SPTLC3: variants seen among roughly 807,000 people sequenced by gnomAD.
The protein encoded by SPTLC3 is serine palmitoyltransferase long chain base subunit 3.
SPTLC3 carries 36 observed loss-of-function variants against 59.3 expected under a neutral mutation model. That is an observed-to-expected ratio of 0.61 (90% CI 0.47 to 0.80). The LOEUF (loss-of-function observed/expected upper bound fraction) is 0.80, where lower values mean the gene tolerates loss of function less well. SPTLC3 is among the 30% of genes least tolerant of loss of function. The pLI is 0.00. For missense variants in SPTLC3, 625 were observed against 685.1 expected, an observed-to-expected ratio of 0.91 and a Z score of 0.98; for synonymous variants, 257 against 240.8, an observed-to-expected ratio of 1.07 and a Z score of -0.62.
At chr20:13,064,688 A>G (rs184697803) in intron 2 of SPTLC3, among the ~76,000 whole-genome samples, 1 of 152,326 alleles carries the variant, frequency 6.6e-6, no homozygotes, top group Admixed American at 6.5e-5. Context: ...ATAATTCTTT[A>G]AGATTTTCTT....
chr20:13,079,910 T>C (rs943892505), intron 4 of SPTLC3: 18 of 362,668 alleles, frequency 5.0e-5, no homozygotes, highest in Non-Finnish European at 9.2e-5. Context: ...CCACAGCTGT[T>C]TGCCCTTCAG....
rs34090988 is a variant in SPTLC3 at position 13,077,784 on chromosome 20, C to CT, written c.607+3299dup. ...TTTCTATTGAGCCAAGCTATCTGTA[C>CT]TTTTTTTTTTTTAAAGAGTTAGAGT... On this transcript the variant is annotated intron_variant, in intron 4 of 11. Coordinates refer to ENST00000399002, the MANE Select transcript of SPTLC3 (RefSeq NM_018327.4). Among the ~76,000 whole-genome samples, 1,297 of 145,538 alleles carry CT rather than the reference C, an allele frequency of 8.9e-3. 20 individuals are homozygous for CT. The highest frequency in any genetic ancestry group is 0.028 in the African/African-American group (1,136 of 40,072).
intron 9 of SPTLC3, among the ~76,000 whole-genome samples, chr20:13,131,039 A>C (rs1320427707): frequency 6.6e-6 from 1 of 152,198 alleles, no homozygotes; most frequent in African/African-American, 2.4e-5. Flanking sequence ...ACTTTTGGAA[A>C]GGTCTAGAAA....
chr20:13,043,902 T>C (rs1366340066), intron 1 of SPTLC3, among the ~76,000 whole-genome samples: 1 of 152,112 alleles, frequency 6.6e-6, no homozygotes, highest in Admixed American at 6.5e-5. Context: ...AACAGGTTGA[T>C]AAGATTACTT....
At chr20:13,086,239 A>C (rs1989001131) in intron 4 of SPTLC3, among the ~76,000 whole-genome samples, 1 of 152,206 alleles carries the variant, frequency 6.6e-6, no homozygotes, top group South Asian at 2.1e-4. Flanking sequence ...GGCCTGAATC[A>C]ATGTTTGTAG....
chr20:13,149,844 C>T (rs1477188530), intron 9 of SPTLC3, among the ~76,000 whole-genome samples: 1 of 152,132 alleles, frequency 6.6e-6, no homozygotes, highest in African/African-American at 2.4e-5. Context: ...AGCTAGGCAG[C>T]CAATGATAGA....
intron 1 of SPTLC3, among the ~76,000 whole-genome samples, chr20:13,038,952 A>AT (rs1256508851): frequency 1.3e-5 from 2 of 151,986 alleles, no homozygotes; most frequent in African/African-American, 4.8e-5. Context: ...AAATTTTCCC[A>AT]TTTTTTCTGT....
chr20:13,017,173 T>C (rs1479115306), intron 1 of SPTLC3, among the ~76,000 whole-genome samples: 2 of 152,210 alleles, frequency 1.3e-5, no homozygotes, highest in Non-Finnish European at 2.9e-5. Flanking sequence ...TGAGTTGTTT[T>C]GTTTTCCTGA....
intron 9 of SPTLC3, among the ~76,000 whole-genome samples, chr20:13,129,457 G>GA (rs996630148): frequency 1.4e-4 from 21 of 152,310 alleles, no homozygotes; most frequent in African/African-American, 4.8e-4. Flanking sequence ...TTTCTTAATG[G>GA]AAAATCAATT....
chr20:13,014,803 A>G (rs1473171961), intron 1 of SPTLC3, among the ~76,000 whole-genome samples: 1 of 151,540 alleles, frequency 6.6e-6, no homozygotes. Flanking sequence ...AAAAAAAAAA[A>G]AAGATAAATG....
intron 1 of SPTLC3, among the ~76,000 whole-genome samples, chr20:13,010,817 C>T (rs1050510342): frequency 6.6e-6 from 1 of 152,168 alleles, no homozygotes; most frequent in African/African-American, 2.4e-5. Context: ...CTTAACTTTT[C>T]TCCCTTTTAT....
At chr20:13,157,663 A>G (rs2038806342) in intron 10 of SPTLC3, among the ~76,000 whole-genome samples, 1 of 151,534 alleles carries the variant, frequency 6.6e-6, no homozygotes, top group Admixed American at 6.6e-5. Context: ...CACTACAAAC[A>G]GAAAAAAAAA....
At position 13,056,476 on chromosome 20, in the gene SPTLC3, C is replaced by T. The variant is rs143583843; in HGVS notation, c.303+7346C>T. ...TTTTTTCTTTTTTTTTTTTTTGAGA[C>T]GGAGTCTCACTCTGTCACCCAGGCA... is the stretch of plus-strand genomic sequence containing the variant. On this transcript the variant is annotated intron_variant, in intron 2 of 11. Transcript: ENST00000399002. 1.0e-2 allele frequency among the ~76,000 whole-genome samples: 1,331 copies of T among 133,604 alleles called. 25 individuals carry two copies. The highest frequency in any genetic ancestry group is 0.037 in the African/African-American group (1,277 of 34,320). 87.6% of individuals were successfully genotyped at this position (133,604 alleles called of 152,430 possible).
intron 9 of SPTLC3, among the ~76,000 whole-genome samples, chr20:13,127,394 C>G (rs898376604): frequency 6.6e-6 from 1 of 152,220 alleles, no homozygotes; most frequent in African/African-American, 2.4e-5. Context: ...GCCAGGCAAA[C>G]TGGTGAGCAC....
chr20:13,092,661 T>A (rs1045222179), intron 5 of SPTLC3, among the ~76,000 whole-genome samples: 1 of 152,052 alleles, frequency 6.6e-6, no homozygotes, highest in Non-Finnish European at 1.5e-5. Context: ...GCCAGAAAAA[T>A]TACAAATATG....
chr20:13,135,660 T>TAC, intron 9 of SPTLC3, among the ~76,000 whole-genome samples: 1 of 152,356 alleles, frequency 6.6e-6, no homozygotes, highest in Middle Eastern at 3.4e-3. Flanking sequence ...TTTTAGAATT[T>TAC]TTGTGTAACA....
At chr20:13,129,362 A>G (rs1166883605) in intron 9 of SPTLC3, among the ~76,000 whole-genome samples, 4 of 152,164 alleles carry the variant, frequency 2.6e-5, no homozygotes, top group Non-Finnish European at 5.9e-5. Flanking sequence ...CTTTTCCTCC[A>G]CAAGCTTTCT....
intron 1 of SPTLC3, among the ~76,000 whole-genome samples, chr20:13,024,037 A>C (rs1487478731): frequency 6.6e-6 from 1 of 152,188 alleles, no homozygotes; most frequent in Non-Finnish European, 1.5e-5. Context: ...GACGACTTTT[A>C]AAACTTTTAT....
chr20:13,009,426 C>G, intron 1 of SPTLC3, 42 bp downstream of exon 1: 1 of 1,512,234 alleles, frequency 6.6e-7, no homozygotes. Flanking sequence ...ATTACCTGAA[C>G]GTTTCAATAT....
Sources: allele counts gnomAD v4.1 joint callset (sites outside exome capture counted in the v4.1 genomes callset), GRCh38; gene constraint gnomAD v4.1.1; transcripts MANE v1.5; gene names NCBI Gene and HGNC (gene_info 2026-07-23, HGNC 2026-07-21).